ABL2: variants seen among roughly 807,000 people sequenced by gnomAD.
ABL2 encodes tyrosine-protein kinase ABL2.
Under a neutral mutation model 107.7 loss-of-function variants are expected in ABL2, and 49 were observed. The ratio of observed to expected loss-of-function variants is 0.45; its 90% CI spans 0.36 to 0.58. ABL2 has a LOEUF of 0.58. ABL2 is among the 20% of genes least tolerant of loss of function. The pLI is 0.00. For synonymous variants in ABL2, 549 were observed against 548.6 expected, an observed-to-expected ratio of 1.00 and a Z score of -0.01; for missense variants, 1,245 against 1,457.0, an observed-to-expected ratio of 0.85 and a Z score of 2.37.
chr1:179,165,351 A>C (rs1659317485), intron 1 of ABL2, among the ~76,000 whole-genome samples: 1 of 152,138 alleles, frequency 6.6e-6, no homozygotes, highest in Non-Finnish European at 1.5e-5. Context: ...CATTTGAAGC[A>C]GGTAAAGTGA....
chr1:179,117,258 G>A (rs2102611448), intron 8 of ABL2, 74 bp downstream of exon 8: 1 of 1,431,480 alleles, frequency 7.0e-7, no homozygotes, highest in East Asian at 2.3e-5. Flanking sequence ...CATCGTAAGA[G>A]AAGCTCTAAA....
intron 1 of ABL2, among the ~76,000 whole-genome samples, chr1:179,136,097 C>T (rs1326351116): frequency 6.7e-6 from 1 of 150,126 alleles, no homozygotes; most frequent in African/African-American, 2.5e-5. Flanking sequence ...GGGGGGTCAG[C>T]CCCCCGTCCG....
intron 5 of ABL2, among the ~76,000 whole-genome samples, chr1:179,120,627 G>A (rs1655101907): frequency 6.6e-6 from 1 of 152,106 alleles, no homozygotes; most frequent in Non-Finnish European, 1.5e-5. Context: ...GTTTTGCAAT[G>A]TTGGCCAGGA....
At chr1:179,152,386 G>C (rs1000909471) in intron 1 of ABL2, among the ~76,000 whole-genome samples, 7 of 152,122 alleles carry the variant, frequency 4.6e-5, no homozygotes, top group Admixed American at 2.0e-4. Context: ...TACCTTCTCT[G>C]AGAGTATTTT....
chr1:179,200,167 C>T (rs1661584855), intron 1 of ABL2, among the ~76,000 whole-genome samples: 1 of 151,418 alleles, frequency 6.6e-6, no homozygotes, highest in Admixed American at 6.6e-5. Context: ...GTGCTTCAGC[C>T]TCCTGAGTAG....
Position 179,118,576 on chromosome 1 carries a change from G to A in ABL2, c.1223+11C>T. The A allele has an allele frequency of 6.2e-7, 1 of 1,609,118 alleles. No homozygotes were observed. Among genetic ancestry groups the A allele is most frequent in the Non-Finnish European group, 8.5e-7 (1 of 1,176,500 alleles). ...TGGCTTCATGGTTGGTCAGAGGTAA[G>A]TTTTACACACCTATGGATGAAATTC... On this transcript the variant is annotated intron_variant, in intron 7 of 11. Coordinates refer to ENST00000502732, the MANE Select transcript of ABL2 (RefSeq NM_007314.4).
intron 2 of ABL2, among the ~76,000 whole-genome samples, chr1:179,131,907 A>C (rs1340832612): frequency 6.6e-6 from 1 of 152,230 alleles, no homozygotes; most frequent in East Asian, 1.9e-4. Context: ...AAGTCCACTC[A>C]AACTACCCTT....
intron 1 of ABL2, among the ~76,000 whole-genome samples, chr1:179,165,353 G>T (rs768019976): frequency 6.6e-6 from 1 of 152,030 alleles, no homozygotes; most frequent in Non-Finnish European, 1.5e-5. Context: ...TTTGAAGCAG[G>T]TAAAGTGAAT....
At chr1:179,157,214 A>G (rs1658750829) in intron 1 of ABL2, among the ~76,000 whole-genome samples, 1 of 152,102 alleles carries the variant, frequency 6.6e-6, no homozygotes, top group African/African-American at 2.4e-5. Flanking sequence ...AATTAGGGAT[A>G]CGGTCTGGGC....
intron 1 of ABL2, among the ~76,000 whole-genome samples, chr1:179,185,115 A>G (rs1660609628): frequency 6.6e-6 from 1 of 152,156 alleles, no homozygotes; most frequent in African/African-American, 2.4e-5. Context: ...GTGAATATGG[A>G]CAGTTAGCAT....
chr1:179,179,389 G>C (rs909455018), intron 1 of ABL2, among the ~76,000 whole-genome samples: 7 of 151,732 alleles, frequency 4.6e-5, no homozygotes, highest in African/African-American at 1.7e-4. Context: ...AAATTTAAAA[G>C]CCGAGATATT....
chr1:179,211,467 A>C (rs1448347067), intron 1 of ABL2, among the ~76,000 whole-genome samples: 1 of 152,164 alleles, frequency 6.6e-6, no homozygotes, highest in African/African-American at 2.4e-5. Context: ...GGCTGCAGTG[A>C]GCCTGTACCA....
intron 8 of ABL2, 48 bp downstream of exon 8, chr1:179,117,284 T>TAA (rs56346584): frequency 6.0e-4 from 755 of 1,258,990 alleles, no homozygotes; most frequent in Non-Finnish European, 7.4e-4. Flanking sequence ...AAGGCATTTA[T>TAA]AAAAAAAAAA....
At chr1:179,140,940 G>C (rs1376479311) in intron 1 of ABL2, among the ~76,000 whole-genome samples, 3 of 151,952 alleles carry the variant, frequency 2.0e-5, no homozygotes, top group African/African-American at 7.3e-5. Flanking sequence ...AGGAGTTCGA[G>C]ACCAGTCTGG....
intron 1 of ABL2, 33 bp downstream of exon 1, chr1:179,229,208 C>CCCCCCCCCCCCCAACA: frequency 6.7e-7 from 1 of 1,488,058 alleles, no homozygotes; most frequent in Non-Finnish European, 9.0e-7. Context: ...CGGCCTCCCC[C>CCCCCCCCCCCCCAACA]ACGCTCTCAT....
chr1:179,121,952 G>A, intron 4 of ABL2, 85 bp from the exon 5 acceptor site: 2 of 1,227,024 alleles, frequency 1.6e-6, no homozygotes, highest in South Asian at 1.7e-5. Flanking sequence ...TTGAGATGGA[G>A]TCTTGTTCTG....
At chr1:179,184,428 C>A in intron 1 of ABL2, 1 of 997,846 alleles carries the variant, frequency 1.0e-6, no homozygotes, top group Non-Finnish European at 1.5e-6. Flanking sequence ...GCATGAGGCA[C>A]CAGAGAGCTT....
rs370773526 is a variant in ABL2 at position 179,107,715 on chromosome 1, T to C, written c.*3A>G. ...GTGCATTTTCCCACCAGGCTAACAG[T>C]GGCTACCTCTGCACCACATCACTGA... On this transcript the variant is annotated 3_prime_UTR_variant, in exon 12 of 12. Transcript: ENST00000502732. The C allele has an allele frequency of 2.8e-5, 45 of 1,593,474 alleles. No homozygotes were observed. The highest frequency in any genetic ancestry group is 3.7e-5 in the Non-Finnish European group (43 of 1,166,540).
intron 1 of ABL2, among the ~76,000 whole-genome samples, chr1:179,152,501 T>A (rs1658420011): frequency 6.6e-6 from 1 of 152,198 alleles, no homozygotes; most frequent in Non-Finnish European, 1.5e-5. Flanking sequence ...CTCACTGAGT[T>A]TTTTGCATGA....
Sources: allele counts gnomAD v4.1 joint callset (sites outside exome capture counted in the v4.1 genomes callset), GRCh38; gene constraint gnomAD v4.1.1; transcripts MANE v1.5; gene names NCBI Gene and HGNC (gene_info 2026-07-23, HGNC 2026-07-21).